The following ORC2 variants were observed in gnomAD, a reference collection of about 807,000 sequenced individuals.
The protein encoded by ORC2 is origin recognition complex protein 2 homolog.
ORC2 carries 37 observed loss-of-function variants against 77.7 expected under a neutral mutation model. That is an observed-to-expected ratio of 0.48 (90% CI 0.37 to 0.63). ORC2 has a LOEUF of 0.63. Ranked by LOEUF, ORC2 falls within the 20% of genes least tolerant of loss-of-function variation. The pLI, the probability that ORC2 is intolerant of heterozygous loss-of-function variation, is 0.00. For synonymous variants in ORC2, 201 were observed against 229.5 expected (o/e 0.88, Z 1.12); for missense variants, 557 against 661.9 (o/e 0.84, Z 1.74).
chr2:200,937,024 G>A (rs1358171014), intron 8 of ORC2, among the ~76,000 whole-genome samples: 1 of 152,006 alleles, frequency 6.6e-6, no homozygotes, highest in Admixed American at 6.6e-5. Flanking sequence ...TTGATTTTGT[G>A]GGCATATATA....
chr2:200,950,126 T>C (rs2041324847), intron 4 of ORC2, among the ~76,000 whole-genome samples: 1 of 152,062 alleles, frequency 6.6e-6, no homozygotes, highest in South Asian at 2.1e-4. Flanking sequence ...GGTCAGGAGA[T>C]TGAGAGCATC....
chr2:200,960,253 C>T (rs953046707), intron 1 of ORC2, among the ~76,000 whole-genome samples: 2 of 152,072 alleles, frequency 1.3e-5, no homozygotes, highest in African/African-American at 4.8e-5. Context: ...GCTGGGATTA[C>T]AGGAGTGAGC....
At position 200,935,369 on chromosome 2, in the gene ORC2, C is replaced by T. The variant is rs376634141; in HGVS notation, c.708+330G>A. Among the ~76,000 whole-genome samples the T allele has an allele frequency of 2.3e-4, 35 of 152,148 alleles. 1 individual carries two copies. Among genetic ancestry groups the T allele is most frequent in the African/African-American group, 8.2e-4 (34 of 41,436 alleles). On this transcript the variant is annotated intron_variant, in intron 9 of 17. Coordinates refer to ENST00000234296, the MANE Select transcript of ORC2 (RefSeq NM_006190.5). The stretch of plus-strand genomic sequence containing the variant: ...AACTCCTGACCTCAGGTGATCCACC[C>T]GCCTTGGCCTCCCAAAGTGCTGGGA...
Position 200,942,699 on chromosome 2 carries a change from G to A in ORC2, c.407C>T (p.Pro136Leu). The change falls in exon 6 of 18, where the codon CCT (proline) becomes CTT (leucine). Residue 136 changes from proline to leucine, a missense_variant. Transcript: ENST00000234296. ...TAATGTCTTACCCTTGCTACTTTGA[G>A]GAACGTTTATCGTAATCTCAGGATC... is the stretch of plus-strand genomic sequence containing the variant. ...KNDPEITINV[P>L]QSSKGHSASD... 3 of 1,599,538 alleles carry A rather than the reference G, an allele frequency of 1.9e-6. No homozygotes were observed. The highest frequency in any genetic ancestry group is 2.6e-6 in the Non-Finnish European group (3 of 1,170,682).
chr2:200,920,781 A>G (rs1401037859), intron 14 of ORC2, among the ~76,000 whole-genome samples: 1 of 152,202 alleles, frequency 6.6e-6, no homozygotes, highest in Non-Finnish European at 1.5e-5. Context: ...TTAACTTTAG[A>G]CTAAAACATC....
rs1194729715 is a variant in ORC2, at chr2:200,959,421, C to A, written c.-40G>T. On this transcript the variant is annotated 5_prime_UTR_variant, in exon 2 of 18. Transcript: ENST00000234296. Reference sequence around the variant, plus strand: ...TAAGGTACTACACATTCTGCAGCTGCAAAATTCAGATACAGTCACCTGTAA... The same window carrying A: ...TAAGGTACTACACATTCTGCAGCTGAAAAATTCAGATACAGTCACCTGTAA... The A allele has an allele frequency of 1.3e-5, 2 of 152,142 alleles. No homozygotes were observed. Among genetic ancestry groups the A allele is most frequent in the African/African-American group, 4.8e-5 (2 of 41,404 alleles). 9.4% of individuals were successfully genotyped at this position (152,142 alleles called of 1,614,324 possible). A position where few individuals can be genotyped will look rare whatever the true frequency, so the allele number is the denominator to read the frequency against.
intron 5 of ORC2, among the ~76,000 whole-genome samples, chr2:200,946,371 A>G (rs554879927): frequency 6.6e-6 from 1 of 152,270 alleles, no homozygotes; most frequent in South Asian, 2.1e-4. Flanking sequence ...ATTCTATTTT[A>G]CTGATATATT....
chr2:200,953,296 A>C (rs936080197), intron 4 of ORC2, among the ~76,000 whole-genome samples: 1 of 152,060 alleles, frequency 6.6e-6, no homozygotes, highest in Admixed American at 6.6e-5. Context: ...TTAGAATGCA[A>C]TACTACTAGC....
intron 8 of ORC2, among the ~76,000 whole-genome samples, chr2:200,936,253 C>T (rs2041045898): frequency 6.6e-6 from 1 of 152,142 alleles, no homozygotes; most frequent in African/African-American, 2.4e-5. Flanking sequence ...TATGCCCCAT[C>T]CTAGGGGATG....
At chr2:200,945,104 C>T (rs972638642) in intron 5 of ORC2, among the ~76,000 whole-genome samples, 1 of 152,190 alleles carries the variant, frequency 6.6e-6, no homozygotes, top group Non-Finnish European at 1.5e-5. Flanking sequence ...CTGTCTGGCC[C>T]TTTACAGAAA....
At chr2:200,938,157 T>A (rs963016095) in intron 7 of ORC2, among the ~76,000 whole-genome samples, 191 bp from the exon 8 acceptor site, 6 of 152,206 alleles carry the variant, frequency 3.9e-5, no homozygotes, top group Non-Finnish European at 8.8e-5. Flanking sequence ...GACTCCCAAG[T>A]AGCTGTGATT....
At chr2:200,933,363 TGAGA>T (rs1013560719) in intron 10 of ORC2, among the ~76,000 whole-genome samples, 28 of 152,046 alleles carry the variant, frequency 1.8e-4, no homozygotes, top group African/African-American at 6.0e-4. Context: ...AGTTTTTAAC[TGAGA>T]GAAAGTCAGG....
intron 11 of ORC2, 42 bp from the exon 12 acceptor site, chr2:200,926,942 C>T: frequency 1.3e-6 from 2 of 1,570,254 alleles, no homozygotes; most frequent in African/African-American, 2.7e-5. Flanking sequence ...ACTTCAATAC[C>T]TCTTATTGCC....
intron 7 of ORC2, 148 bp from the exon 8 acceptor site, chr2:200,938,114 T>G (rs916053869): frequency 1.5e-5 from 9 of 582,018 alleles, no homozygotes; most frequent in Admixed American, 7.0e-5. Context: ...TAGAAGATTA[T>G]GACAAATGGG....
intron 6 of ORC2, 60 bp from the exon 7 acceptor site, chr2:200,941,339 T>C: frequency 7.4e-6 from 11 of 1,494,376 alleles, no homozygotes; most frequent in South Asian, 5.9e-5. Flanking sequence ...CATTGTGGTC[T>C]AGTTTCATTA....
intron 7 of ORC2, among the ~76,000 whole-genome samples, chr2:200,939,445 G>C (rs939070960): frequency 1.3e-5 from 2 of 152,110 alleles, no homozygotes; most frequent in African/African-American, 4.8e-5. Flanking sequence ...TCTCTTGACA[G>C]TTTGCTCATT....
At position 200,926,991 on chromosome 2, in the gene ORC2, A is replaced by C. The variant is rs1282500820; in HGVS notation, c.918-91T>G. 4 of 1,365,442 alleles carry C rather than the reference A, an allele frequency of 2.9e-6. No homozygotes were observed. The East Asian group carries it at 9.2e-5, about 31-fold the overall frequency. The allele number at this position is 1,365,442 out of a possible 1,614,324, so 84.6% of individuals were successfully genotyped here. ...ACCAGTTTCCTTAAATTCAGTTTAT[A>C]AAAAATACAGGAAAGGGGTAGGCGC... On this transcript the variant is annotated intron_variant, in intron 11 of 17. Coordinates refer to ENST00000234296, the MANE Select transcript of ORC2 (RefSeq NM_006190.5).
At chr2:200,923,985 A>C (rs2040801402) in intron 13 of ORC2, among the ~76,000 whole-genome samples, 1 of 152,206 alleles carries the variant, frequency 6.6e-6, no homozygotes, top group Non-Finnish European at 1.5e-5. Flanking sequence ...CAAGCAGGTA[A>C]ATTTGCTATT....
At chr2:200,929,700 G>T (rs573898782) in intron 11 of ORC2, among the ~76,000 whole-genome samples, 1 of 152,234 alleles carries the variant, frequency 6.6e-6, no homozygotes, top group African/African-American at 2.4e-5. Context: ...GGGAAGCTGA[G>T]GTGGGAGGAT....
Sources: allele counts gnomAD v4.1 joint callset (sites outside exome capture counted in the v4.1 genomes callset), GRCh38; gene constraint gnomAD v4.1.1; transcripts MANE v1.5; gene names NCBI Gene and HGNC (gene_info 2026-07-23, HGNC 2026-07-21).